BTBD9: variants seen among roughly 807,000 people sequenced by gnomAD.
BTBD9 encodes BTB/POZ domain-containing protein 9.
BTBD9 carries 49 observed loss-of-function variants against 64.3 expected under a neutral mutation model. That is an observed-to-expected ratio of 0.76 (90% CI 0.61 to 0.97). The LOEUF (loss-of-function observed/expected upper bound fraction) is 0.97. BTBD9 is among the 50% of genes least tolerant of loss of function. The pLI is 0.00. For missense variants in BTBD9, 598 were observed against 762.1 expected, an observed-to-expected ratio of 0.78 and a Z score of 2.53; for synonymous variants, 260 against 274.7, an observed-to-expected ratio of 0.95 and a Z score of 0.53.
At position 38,458,115 on chromosome 6, in the gene BTBD9, A is replaced by G. The variant is rs979213328; in HGVS notation, c.1155-113022T>C. On this transcript the variant is annotated intron_variant, in intron 6 of 10. Transcript: ENST00000481247. ...CTCTCAAGCAAAAAGGAGCCCTTCA[A>G]AACAGCAGATTATTGTTTCCTATAA... Among the ~76,000 whole-genome samples, 10 of 152,226 alleles carry G rather than the reference A, an allele frequency of 6.6e-5. 1 individual carries two copies. The South Asian group carries it at 2.1e-3, about 32-fold the overall frequency.
At chr6:38,423,341 G>A (rs1218679059) in intron 6 of BTBD9, among the ~76,000 whole-genome samples, 1 of 151,916 alleles carries the variant, frequency 6.6e-6, no homozygotes, top group African/African-American at 2.4e-5. Context: ...GTTTTGTTCT[G>A]TTACCCAGGC....
chr6:38,450,729 T>A (rs529732980), intron 6 of BTBD9, among the ~76,000 whole-genome samples: 4 of 152,138 alleles, frequency 2.6e-5, no homozygotes, highest in East Asian at 1.9e-4. Flanking sequence ...TAAAAAAATG[T>A]AAATTTAGCA....
chr6:38,556,289 C>T lies in BTBD9; in HGVS notation c.1154+21311G>A, dbSNP rs76602152. ...AAATAAAATGATAACTAGTATGCAT[C>T]CCACTATTTGATCATGAAAATGATT... On this transcript the variant is annotated intron_variant, in intron 6 of 10. Transcript: ENST00000481247. 6.4e-3 allele frequency among the ~76,000 whole-genome samples: 971 copies of T among 152,146 alleles called. 10 individuals carry two copies. The highest frequency in any genetic ancestry group is 0.022 in the African/African-American group (912 of 41,468).
At chr6:38,548,706 C>A (rs187274697) in intron 6 of BTBD9, among the ~76,000 whole-genome samples, 207 of 152,250 alleles carry the variant, frequency 1.4e-3, no homozygotes, top group African/African-American at 4.8e-3. Context: ...TACCTGAAAA[C>A]CACACTATAA....
chr6:38,506,128 CTT>C (rs1193053809), intron 6 of BTBD9, among the ~76,000 whole-genome samples: 2 of 152,240 alleles, frequency 1.3e-5, no homozygotes, highest in East Asian at 1.9e-4. Flanking sequence ...CTCCCTGTCT[CTT>C]GACCCCTCAG....
chr6:38,612,452 CT>C (rs1022214565), intron 1 of BTBD9, among the ~76,000 whole-genome samples: 10 of 152,226 alleles, frequency 6.6e-5, no homozygotes, highest in Admixed American at 2.0e-4. Context: ...CAAAAGATAA[CT>C]GCAACTCCTT....
Position 38,334,845 on chromosome 6 carries a change from G to T in BTBD9, c.1264+10139C>A, listed in dbSNP as rs769055491. Among the ~76,000 whole-genome samples, 98 of 151,232 alleles carry T rather than the reference G, an allele frequency of 6.5e-4. 1 individual carries two copies. The highest frequency in any genetic ancestry group is 1.7e-3 in the South Asian group (8 of 4,798). ...AAGAGCAGTAAAAATTTTTTTCCCGGCAATCTTTATTCTTAAAAAAAAATG... is the reference window on the plus strand; with the variant it reads ...AAGAGCAGTAAAAATTTTTTTCCCGTCAATCTTTATTCTTAAAAAAAAATG... On this transcript the variant is annotated intron_variant, in intron 7 of 10. Transcript: ENST00000481247.
intron 6 of BTBD9, among the ~76,000 whole-genome samples, chr6:38,438,721 T>G (rs1768872256): frequency 6.6e-6 from 1 of 151,506 alleles, no homozygotes; most frequent in Non-Finnish European, 1.5e-5. Flanking sequence ...GCTAGAGAGC[T>G]TCATTTTAGT....
chr6:38,368,089 C>G (rs1250868740), intron 6 of BTBD9, among the ~76,000 whole-genome samples: 1 of 152,168 alleles, frequency 6.6e-6, no homozygotes, highest in Admixed American at 6.5e-5. Flanking sequence ...TTACTCCACA[C>G]CAATGTTTTG....
chr6:38,295,997 G>A (rs893879321), intron 7 of BTBD9, among the ~76,000 whole-genome samples: 1 of 152,062 alleles, frequency 6.6e-6, no homozygotes, highest in Non-Finnish European at 1.5e-5. Flanking sequence ...GCAGTGGGCC[G>A]AGATCATGCC....
intron 7 of BTBD9, among the ~76,000 whole-genome samples, chr6:38,329,688 C>G (rs574829137): frequency 7.2e-5 from 11 of 152,082 alleles, no homozygotes; most frequent in Non-Finnish European, 1.6e-4. Flanking sequence ...GGCACAGTGG[C>G]TCACGCATGT....
chr6:38,588,399 G>T, intron 4 of BTBD9: 2 of 820,948 alleles, frequency 2.4e-6, no homozygotes, highest in Non-Finnish European at 4.3e-6. Context: ...GCCAACCTGG[G>T]GCCTATAGAC....
At chr6:38,283,770 T>A (rs1761612235) in intron 8 of BTBD9, among the ~76,000 whole-genome samples, 1 of 152,220 alleles carries the variant, frequency 6.6e-6, no homozygotes, top group Non-Finnish European at 1.5e-5. Flanking sequence ...GTTAAGTCAC[T>A]GGGCTCTGTA....
chr6:38,235,377 TC>T lies in BTBD9; in HGVS notation c.1562+21031del, dbSNP rs375741805. ...AGGAAAGCCAAGGGCTGGTCACATT[TC>T]CCAGACTCAATCTTTTAGAACCAAC... is the stretch of plus-strand genomic sequence containing the variant. On this transcript the variant is annotated intron_variant, in intron 9 of 10. Coordinates refer to ENST00000481247, the MANE Select transcript of BTBD9 (RefSeq NM_001099272.2). Among the ~76,000 whole-genome samples the T allele has an allele frequency of 1.4e-3, 219 of 152,236 alleles. 1 individual carries two copies. The highest frequency in any genetic ancestry group is 4.9e-3 in the African/African-American group (204 of 41,528).
chr6:38,319,514 G>T (rs1001343133), intron 7 of BTBD9, among the ~76,000 whole-genome samples: 1 of 151,898 alleles, frequency 6.6e-6, no homozygotes, highest in African/African-American at 2.4e-5. Flanking sequence ...GATGAATCCT[G>T]CCAGGACTGG....
chr6:38,634,558 T>A (rs1050701929), intron 1 of BTBD9, among the ~76,000 whole-genome samples: 5 of 151,600 alleles, frequency 3.3e-5, no homozygotes, highest in Non-Finnish European at 4.4e-5. Context: ...TTTTGCAAAC[T>A]GGATTGTTCC....
At chr6:38,335,003 C>T (rs1763838249) in intron 7 of BTBD9, among the ~76,000 whole-genome samples, 1 of 152,010 alleles carries the variant, frequency 6.6e-6, no homozygotes, top group Non-Finnish European at 1.5e-5. Flanking sequence ...GTGGAATTTC[C>T]CCATGCTGTT....
intron 6 of BTBD9, among the ~76,000 whole-genome samples, chr6:38,360,166 G>A (rs1226938994): frequency 6.6e-6 from 1 of 152,094 alleles, no homozygotes; most frequent in South Asian, 2.1e-4. Flanking sequence ...AGAGCAATTT[G>A]GTTTTGGTTT....
Position 38,515,529 on chromosome 6 carries a change from A to G in BTBD9, c.1154+62071T>C, listed in dbSNP as rs536801299. On this transcript the variant is annotated intron_variant, in intron 6 of 10. Coordinates refer to ENST00000481247, the MANE Select transcript of BTBD9 (RefSeq NM_001099272.2). ...ACACAGGAACTAATGGCATCATGACATTGAACAAAGAAGTGTTATTTTCTT... is the reference window on the plus strand; with the variant it reads ...ACACAGGAACTAATGGCATCATGACGTTGAACAAAGAAGTGTTATTTTCTT... Among the ~76,000 whole-genome samples, 36 of 152,350 alleles carry G rather than the reference A, an allele frequency of 2.4e-4. 2 individuals carry two copies. In the South Asian group the frequency reaches 7.0e-3, roughly 30 times the overall value.
Sources: allele counts gnomAD v4.1 joint callset (sites outside exome capture counted in the v4.1 genomes callset), GRCh38; gene constraint gnomAD v4.1.1; transcripts MANE v1.5; gene names NCBI Gene and HGNC (gene_info 2026-07-23, HGNC 2026-07-21).